RAB39A: variants seen among roughly 807,000 people sequenced by gnomAD.
RAB39A encodes ras-related protein Rab-39A.
A neutral mutation model predicts 20.9 loss-of-function variants in RAB39A; 17 were observed. The observed-to-expected ratio is 0.81, with a 90% CI of 0.56 to 1.22. RAB39A has a LOEUF of 1.22. Among genes scored for constraint, RAB39A ranks in the 50% most tolerant of loss-of-function variants. The pLI, the probability that RAB39A is intolerant of heterozygous loss-of-function variation, is 0.00. For missense variants in RAB39A, 234 were observed against 270.5 expected, an observed-to-expected ratio of 0.87 and a Z score of 0.95; for synonymous variants, 99 against 103.4, an observed-to-expected ratio of 0.96 and a Z score of 0.26.
intron 1 of RAB39A, among the ~76,000 whole-genome samples, chr11:107,947,059 C>A (rs1190490961): frequency 2.0e-5 from 3 of 151,740 alleles, no homozygotes; most frequent in African/African-American, 7.3e-5. Context: ...AAAAAAAAAT[C>A]TCAAAAGGTA....
Position 107,961,633 on chromosome 11 carries a change from A to G in RAB39A, c.228-313A>G, listed in dbSNP as rs117057428. On this transcript the variant is annotated intron_variant, in intron 1 of 1. Coordinates refer to ENST00000320578, the MANE Select transcript of RAB39A (RefSeq NM_017516.3). ...TCTTTCAATATGCTTATTTTTAACC[A>G]CAATGATGTAATAATCTATCAGATT... 3.6e-4 allele frequency among the ~76,000 whole-genome samples: 55 copies of G among 152,306 alleles called. 1 individual carries two copies. The East Asian group carries it at 7.3e-3, about 20-fold the overall frequency.
At chr11:107,945,563 G>C (rs1861299793) in intron 1 of RAB39A, among the ~76,000 whole-genome samples, 1 of 151,814 alleles carries the variant, frequency 6.6e-6, no homozygotes, top group Admixed American at 6.6e-5. Flanking sequence ...CTGAGCTAAT[G>C]GTAAAAAAAA....
chr11:107,943,977 C>T (rs1197066759), intron 1 of RAB39A, among the ~76,000 whole-genome samples: 1 of 152,010 alleles, frequency 6.6e-6, no homozygotes, highest in Non-Finnish European at 1.5e-5. Flanking sequence ...TGCCTGTAGT[C>T]CCAGCTACTT....
Position 107,939,372 on chromosome 11 carries a change from C to T in RAB39A, c.227+10577C>T, listed in dbSNP as rs182057065. On this transcript the variant is annotated intron_variant, in intron 1 of 1. Transcript: ENST00000320578. ...CTGTAATCCCAGCACTTTGGGAGGC[C>T]GAGGCGGGCAGATCACAAGGTCAGG... is the stretch of plus-strand genomic sequence containing the variant. Among the ~76,000 whole-genome samples the T allele has an allele frequency of 7.1e-3, 1,073 of 151,044 alleles. 4 individuals carry two copies. The highest frequency in any genetic ancestry group is 0.012 in the Non-Finnish European group (809 of 67,826).
intron 1 of RAB39A, among the ~76,000 whole-genome samples, chr11:107,961,149 A>C (rs1424540728): frequency 1.3e-5 from 2 of 152,160 alleles, no homozygotes; most frequent in Non-Finnish European, 2.9e-5. Context: ...GGGCTGTTAT[A>C]ACAAATTACC....
intron 1 of RAB39A, among the ~76,000 whole-genome samples, chr11:107,930,335 T>C (rs1861122949): frequency 6.6e-6 from 1 of 152,218 alleles, no homozygotes; most frequent in Non-Finnish European, 1.5e-5. Context: ...CCTTCCAGTT[T>C]TACCATTCTA....
chr11:107,933,412 A>T, intron 1 of RAB39A, among the ~76,000 whole-genome samples: 1 of 105,904 alleles, frequency 9.4e-6, no homozygotes, highest in Admixed American at 1.5e-4. Flanking sequence ...TCAGAGTCTC[A>T]CTCTGTCACC....
At chr11:107,934,275 A>T (rs577554507) in intron 1 of RAB39A, among the ~76,000 whole-genome samples, 16 of 152,102 alleles carry the variant, frequency 1.1e-4, no homozygotes, top group South Asian at 1.0e-3. Context: ...CCAAAAAAAA[A>T]TTTTTTTAAT....
At chr11:107,936,302 C>T (rs1029796340) in intron 1 of RAB39A, among the ~76,000 whole-genome samples, 1 of 152,100 alleles carries the variant, frequency 6.6e-6, no homozygotes, top group Admixed American at 6.6e-5. Context: ...CCCCTTTCCT[C>T]TGTCTATCCA....
At chr11:107,952,443 T>G in intron 1 of RAB39A, among the ~76,000 whole-genome samples, 1 of 152,036 alleles carries the variant, frequency 6.6e-6, no homozygotes, top group Non-Finnish European at 1.5e-5. Flanking sequence ...TAGCTGGGTG[T>G]GGTGGCGCAT....
intron 1 of RAB39A, among the ~76,000 whole-genome samples, chr11:107,938,735 CAA>C (rs544043987): frequency 2.0e-3 from 211 of 103,618 alleles, no homozygotes; most frequent in African/African-American, 5.5e-3. Context: ...GGCCCTATCT[CAA>C]AAAAAAAAAA....
intron 1 of RAB39A, among the ~76,000 whole-genome samples, chr11:107,954,057 G>T (rs751438107): frequency 6.6e-6 from 1 of 152,164 alleles, no homozygotes; most frequent in African/African-American, 2.4e-5. Flanking sequence ...TTCATGGATG[G>T]TGGTACTAGC....
chr11:107,928,765 T>C lies in RAB39A; in HGVS notation c.197T>C (p.Leu66Pro). The C allele has an allele frequency of 6.2e-7, 1 of 1,600,512 alleles. No individual in the cohort carries two copies. Among genetic ancestry groups the C allele is most frequent in the Non-Finnish European group, 8.5e-7 (1 of 1,172,340 alleles). Reference sequence around the variant, plus strand: ...CCGGGCAAGAGGATCAAGCTACAGCTCTGGGACACGGCGGGACAGGAGCGG... The same window carrying C: ...CCGGGCAAGAGGATCAAGCTACAGCCCTGGGACACGGCGGGACAGGAGCGG... ...IEPGKRIKLQLWDTAGQERFR... is the reference protein window; with the variant it reads ...IEPGKRIKLQPWDTAGQERFR... The change falls in exon 1 of 2, where the codon CTC becomes CCC. Residue 66 changes from leucine to proline, a missense_variant. Leu to Pro is a moderately conservative substitution (Grantham distance 98). Coordinates refer to ENST00000320578, the MANE Select transcript of RAB39A (RefSeq NM_017516.3). This position sits in a 1 kb window ranked among gnomAD's most constrained non-coding sequence, Gnocchi z 4.9.
intron 1 of RAB39A, among the ~76,000 whole-genome samples, chr11:107,947,310 T>C (rs756723918): frequency 2.0e-5 from 3 of 152,070 alleles, no homozygotes; most frequent in Non-Finnish European, 4.4e-5. Flanking sequence ...GGTTTCACCA[T>C]GTTAGCCAGG....
At chr11:107,936,180 G>A (rs1861192929) in intron 1 of RAB39A, among the ~76,000 whole-genome samples, 2 of 152,094 alleles carry the variant, frequency 1.3e-5, no homozygotes, top group African/African-American at 2.4e-5. Context: ...CATTACAGGC[G>A]TGAGCCACTG....
chr11:107,949,084 G>A (rs1159668476), intron 1 of RAB39A, among the ~76,000 whole-genome samples: 1 of 152,116 alleles, frequency 6.6e-6, no homozygotes, highest in African/African-American at 2.4e-5. Flanking sequence ...ACTTTGGGAG[G>A]CCGAGGCAGG....
intron 1 of RAB39A, among the ~76,000 whole-genome samples, chr11:107,930,780 T>C (rs1214633182): frequency 6.6e-6 from 1 of 151,780 alleles, no homozygotes; most frequent in Non-Finnish European, 1.5e-5. Context: ...CGCTTGAACC[T>C]GGGAGGCAGA....
intron 1 of RAB39A, among the ~76,000 whole-genome samples, chr11:107,959,002 C>G (rs1565467154): frequency 6.6e-6 from 1 of 151,716 alleles, no homozygotes; most frequent in East Asian, 1.9e-4. Flanking sequence ...CGCCTGTAAT[C>G]CCAGCTAGTC....
At position 107,936,933 on chromosome 11, in the gene RAB39A, CCA is replaced by C. The variant is rs1229698418; in HGVS notation, c.227+8139_227+8140del. The stretch of plus-strand genomic sequence containing the variant: ...TGGGTGACAGAGCGAGACTCCCCCT[CCA>C]AAAAAAAAAAAACAAATGAAGAAAA... On this transcript the variant is annotated intron_variant, in intron 1 of 1. Transcript: ENST00000320578. Among the ~76,000 whole-genome samples, 417 of 123,216 alleles carry C rather than the reference CCA, an allele frequency of 3.4e-3. 3 individuals are homozygous for C. Among genetic ancestry groups the C allele is most frequent in the African/African-American group, 0.013 (396 of 30,486 alleles). 80.8% of individuals were successfully genotyped at this position (123,216 alleles called of 152,430 possible).
Sources: allele counts gnomAD v4.1 joint callset (sites outside exome capture counted in the v4.1 genomes callset), GRCh38; gene constraint gnomAD v4.1.1; non-coding constraint Gnocchi (gnomAD v3.1); transcripts MANE v1.5; gene names NCBI Gene and HGNC (gene_info 2026-07-23, HGNC 2026-07-21).